Variants in KIAA1328 observed in about 807,000 individuals in gnomAD.
The protein encoded by KIAA1328 is protein hinderin.
In KIAA1328, 52 loss-of-function variants were observed where a neutral mutation model predicts 68.1. The ratio of observed to expected loss-of-function variants is 0.76; its 90% CI spans 0.61 to 0.96. The LOEUF (loss-of-function observed/expected upper bound fraction) is 0.96, where lower values mean the gene tolerates loss of function less well. KIAA1328 is among the 40% of genes least tolerant of loss of function. The probability of loss-of-function intolerance (pLI) is 0.00; values close to 1 mark genes in which losing one functional copy is unlikely to be tolerated. For missense variants in KIAA1328, 641 were observed against 677.6 expected (o/e 0.95, Z 0.60); for synonymous variants, 232 against 239.4 (o/e 0.97, Z 0.28).
At chr18:36,875,838 T>C (rs1003979413) in intron 4 of KIAA1328, among the ~76,000 whole-genome samples, 2 of 152,240 alleles carry the variant, frequency 1.3e-5, no homozygotes, top group African/African-American at 4.8e-5. Flanking sequence ...TTGAGATACA[T>C]TCCATCGGTA....
intron 5 of KIAA1328, among the ~76,000 whole-genome samples, chr18:36,950,845 C>G (rs1391745424): frequency 6.6e-6 from 1 of 152,148 alleles, no homozygotes; most frequent in African/African-American, 2.4e-5. Context: ...GAGGATGATC[C>G]TGAATAAAAC....
chr18:37,010,540 T>C (rs914287299), intron 6 of KIAA1328, among the ~76,000 whole-genome samples: 7 of 151,584 alleles, frequency 4.6e-5, no homozygotes, highest in Admixed American at 3.3e-4. Context: ...TGCTATTAAA[T>C]GTATTCATTC....
intron 7 of KIAA1328, among the ~76,000 whole-genome samples, chr18:37,145,308 G>A (rs973492779): frequency 6.6e-6 from 1 of 152,126 alleles, no homozygotes; most frequent in Non-Finnish European, 1.5e-5. Context: ...AGTGTGGTCA[G>A]ATAACATATT....
intron 5 of KIAA1328, among the ~76,000 whole-genome samples, chr18:36,918,380 T>G (rs2049789544): frequency 6.6e-6 from 1 of 151,850 alleles, no homozygotes; most frequent in African/African-American, 2.4e-5. Flanking sequence ...TTCTAGCAAC[T>G]TAAGATGCAA....
chr18:37,126,753 C>T (rs1180106392), intron 7 of KIAA1328, among the ~76,000 whole-genome samples: 2 of 151,944 alleles, frequency 1.3e-5, no homozygotes, highest in Non-Finnish European at 2.9e-5. Context: ...ATTTTATGAC[C>T]AAGTTGGTTT....
At chr18:37,063,765 A>C in intron 6 of KIAA1328, 1 of 642,110 alleles carries the variant, frequency 1.6e-6, no homozygotes, top group Non-Finnish European at 1.9e-6. Flanking sequence ...TTTGTGGATA[A>C]TTTCACAGTT....
At chr18:37,178,790 T>C (rs147071307) in intron 9 of KIAA1328, among the ~76,000 whole-genome samples, 63 of 152,328 alleles carry the variant, frequency 4.1e-4, no homozygotes, top group African/African-American at 1.3e-3. Context: ...CAAAGTGATA[T>C]TTCATTGTGG....
chr18:37,092,650 G>C (rs2057298147), intron 7 of KIAA1328, among the ~76,000 whole-genome samples: 3 of 152,078 alleles, frequency 2.0e-5, no homozygotes, highest in Admixed American at 6.5e-5. Flanking sequence ...AGTGGCATAA[G>C]GACAGACCAT....
At chr18:37,161,411 G>T (rs915027490) in intron 8 of KIAA1328, among the ~76,000 whole-genome samples, 2 of 152,162 alleles carry the variant, frequency 1.3e-5, no homozygotes, top group Non-Finnish European at 2.9e-5. Context: ...ATTGAGAAAT[G>T]ATAATTAGTT....
At chr18:37,172,203 AAC>A (rs1371891910) in intron 8 of KIAA1328, among the ~76,000 whole-genome samples, 1 of 152,232 alleles carries the variant, frequency 6.6e-6, no homozygotes, top group African/African-American at 2.4e-5. Context: ...CATCCCGGAT[AAC>A]AGTTTTCAGA....
intron 7 of KIAA1328, among the ~76,000 whole-genome samples, chr18:37,113,604 C>T (rs945502468): frequency 3.3e-5 from 5 of 152,094 alleles, no homozygotes; most frequent in African/African-American, 9.7e-5. Flanking sequence ...CATCAACTAA[C>T]GAGCAAAATA....
chr18:37,142,380 C>T (rs1464289038), intron 7 of KIAA1328, among the ~76,000 whole-genome samples: 3 of 151,836 alleles, frequency 2.0e-5, no homozygotes, highest in Non-Finnish European at 2.9e-5. Flanking sequence ...TTAGTAGAGA[C>T]GGGGTTTCAC....
At chr18:37,026,287 C>T (rs2054576229) in intron 6 of KIAA1328, among the ~76,000 whole-genome samples, 1 of 152,100 alleles carries the variant, frequency 6.6e-6, no homozygotes, top group African/African-American at 2.4e-5. Flanking sequence ...AAATTCTACC[C>T]AGAGGTACAA....
intron 8 of KIAA1328, among the ~76,000 whole-genome samples, chr18:37,171,458 C>T (rs962689057): frequency 1.3e-5 from 2 of 152,128 alleles, no homozygotes; most frequent in Admixed American, 6.5e-5. Flanking sequence ...GATCCTCCTG[C>T]CTTGGCCTCC....
At chr18:37,077,560 A>T (rs1241644970) in intron 7 of KIAA1328, among the ~76,000 whole-genome samples, 1 of 152,030 alleles carries the variant, frequency 6.6e-6, no homozygotes, top group African/African-American at 2.4e-5. Context: ...TTTGCAGATG[A>T]AATGATTGTA....
chr18:37,183,594 G>A (rs905871887), intron 9 of KIAA1328, among the ~76,000 whole-genome samples: 4 of 152,076 alleles, frequency 2.6e-5, no homozygotes, highest in African/African-American at 7.2e-5. Flanking sequence ...ATTTTTATTA[G>A]TCATCATTAT....
At chr18:37,091,016 T>C (rs894547846) in intron 7 of KIAA1328, among the ~76,000 whole-genome samples, 3 of 152,148 alleles carry the variant, frequency 2.0e-5, no homozygotes, top group Non-Finnish European at 2.9e-5. Context: ...ATCCAGAATA[T>C]AGACGTTCTC....
At chr18:37,105,916 C>CAAAAAAAA (rs58940699) in intron 7 of KIAA1328, among the ~76,000 whole-genome samples, 237 of 19,502 alleles carry the variant, frequency 0.012, 24 homozygotes, top group African/African-American at 0.016. Flanking sequence ...GACTCTGTGT[C>CAAAAAAAA]AAAAAAAAAA....
chr18:37,096,200 T>G (rs534573429), intron 7 of KIAA1328, among the ~76,000 whole-genome samples: 1 of 152,174 alleles, frequency 6.6e-6, no homozygotes, highest in Non-Finnish European at 1.5e-5. Context: ...TAACATTAGG[T>G]ATATCTCCTA....
Sources: allele counts gnomAD v4.1 joint callset (sites outside exome capture counted in the v4.1 genomes callset), GRCh38; gene constraint gnomAD v4.1.1; transcripts MANE v1.5; gene names NCBI Gene and HGNC (gene_info 2026-07-23, HGNC 2026-07-21).